FRAS1: variants seen among roughly 807,000 people sequenced by gnomAD.
FRAS1 encodes extracellular matrix organizing protein FRAS1.
In FRAS1, 290 loss-of-function variants were observed where a neutral mutation model predicts 435.2. The ratio of observed to expected loss-of-function variants is 0.67; its 90% CI spans 0.61 to 0.73. The LOEUF (loss-of-function observed/expected upper bound fraction) is 0.73. FRAS1 is among the 30% of genes least tolerant of loss of function. The probability of loss-of-function intolerance (pLI) is 0.00; values close to 1 mark genes in which losing one functional copy is unlikely to be tolerated. For synonymous variants in FRAS1, 1,800 were observed against 1,851.0 expected (o/e 0.97, Z 0.71); for missense variants, 4,860 against 5,001.5 (o/e 0.97, Z 0.85).
At position 78,400,841 on chromosome 4, in the gene FRAS1, T is replaced by C; in HGVS notation, c.4083T>C (p.Ser1361=). 6 of 1,613,790 alleles carry C rather than the reference T, an allele frequency of 3.7e-6. No individual in the cohort carries two copies. The highest frequency in any genetic ancestry group is 5.1e-6 in the Non-Finnish European group (6 of 1,179,796). The change falls in exon 30 of 74, where the codon AGT becomes AGC. Residue 1361 remains serine (S), a synonymous_variant. Transcript: ENST00000512123. ...RILQAEAPGA[S]AEEIIYKITQ... ...TACAGGCCGAGGCTCCTGGTGCCAGTGCTGAAGAAATCATCTACAAGATTA... is the reference window on the plus strand; with the variant it reads ...TACAGGCCGAGGCTCCTGGTGCCAGCGCTGAAGAAATCATCTACAAGATTA...
chr4:78,157,644 G>A (rs1172231011), intron 2 of FRAS1, among the ~76,000 whole-genome samples: 1 of 152,072 alleles, frequency 6.6e-6, no homozygotes, highest in South Asian at 2.1e-4. Flanking sequence ...CATGTCATTT[G>A]CCCACTTTTT....
At chr4:78,384,907 CAA>C (rs11315732) in intron 28 of FRAS1, among the ~76,000 whole-genome samples, 23,066 of 99,738 alleles carry the variant, frequency 0.23, 1,426 homozygotes, top group Admixed American at 0.27. Flanking sequence ...GACCCTGTCT[CAA>C]AAAAAAAAAA....
intron 61 of FRAS1, among the ~76,000 whole-genome samples, chr4:78,505,473 A>G (rs1720804653): frequency 6.6e-6 from 1 of 152,004 alleles, no homozygotes; most frequent in Non-Finnish European, 1.5e-5. Context: ...TTATTTCATT[A>G]ATTTGATCTT....
At chr4:78,521,660 C>G in intron 68 of FRAS1, 30 bp downstream of exon 68, 1 of 1,353,154 alleles carries the variant, frequency 7.4e-7, no homozygotes, top group African/African-American at 1.5e-5. Context: ...TTTTTTCCAA[C>G]TTTTTATTAA....
In FRAS1 at chr4:78,507,410, C is replaced by T. The variant is rs1169991391; in HGVS notation, c.9317-11C>T. 2 of 1,603,732 alleles carry T rather than the reference C, an allele frequency of 1.2e-6. No individual in the cohort carries two copies. The highest frequency in any genetic ancestry group is 1.7e-5 in the Admixed American group (1 of 57,932). ...AGCCTTTGCTCTCTTTTTGTTCTGT[C>T]CTTGGCGAAGGTGTGGATCATATCT... On this transcript the variant is annotated splice_polypyrimidine_tract_variant and intron_variant, in intron 61 of 73. Transcript: ENST00000512123.
In FRAS1 at chr4:78,304,474, G is replaced by A. The variant is rs777690272; in HGVS notation, c.1535-3592G>A. ...CCTCCTTGTACCTCTGGTAGCATTC[G>A]GCTGTGAATCCATCTGGTTCTGGAC... On this transcript the variant is annotated intron_variant, in intron 14 of 73. Transcript: ENST00000512123. Among the ~76,000 whole-genome samples, 22 of 152,264 alleles carry A rather than the reference G, an allele frequency of 1.4e-4. 2 individuals are homozygous for A. The highest frequency in any genetic ancestry group is 4.6e-4 in the African/African-American group (19 of 41,550).
At chr4:78,505,059 T>G (rs1261421094) in intron 61 of FRAS1, among the ~76,000 whole-genome samples, 3 of 152,242 alleles carry the variant, frequency 2.0e-5, no homozygotes, top group Non-Finnish European at 4.4e-5. Flanking sequence ...TGTCCCCCAC[T>G]CTCTTCTGGC....
chr4:78,232,517 C>T (rs1724559748), intron 2 of FRAS1, among the ~76,000 whole-genome samples: 1 of 152,056 alleles, frequency 6.6e-6, no homozygotes, highest in African/African-American at 2.4e-5. Flanking sequence ...AATCTCCTGA[C>T]CTCGTGATCT....
chr4:78,279,540 G>A (rs765164182), intron 10 of FRAS1, among the ~76,000 whole-genome samples: 2 of 152,162 alleles, frequency 1.3e-5, no homozygotes, highest in Non-Finnish European at 2.9e-5. Context: ...GGCACATTTG[G>A]TAAAAAGTGA....
intron 12 of FRAS1, 44 bp from the exon 13 acceptor site, chr4:78,284,361 G>C: frequency 6.5e-7 from 1 of 1,527,604 alleles, no homozygotes; most frequent in Non-Finnish European, 8.9e-7. Flanking sequence ...AGAAATAATA[G>C]ATGGAGTTCA....
chr4:78,287,094 C>G (rs1727644147), intron 14 of FRAS1, among the ~76,000 whole-genome samples: 1 of 151,994 alleles, frequency 6.6e-6, no homozygotes, highest in African/African-American at 2.4e-5. Context: ...AGGAAACTTA[C>G]AATCATGGCA....
chr4:78,482,464 G>T lies in FRAS1; in HGVS notation c.8681G>T (p.Ser2894Ile). 6.2e-7 allele frequency: 1 copy of T among 1,613,922 alleles called. No individual in the cohort carries two copies. Among genetic ancestry groups the T allele is most frequent in the Non-Finnish European group, 8.5e-7 (1 of 1,179,834 alleles). Residue 2894 changes from serine (S) to isoleucine (I), a missense_variant, in exon 58 of 74, where the codon AGC becomes ATC. Transcript: ENST00000512123. The stretch of plus-strand genomic sequence containing the variant: ...CTGGAGACATTTGTGGTTTTCCTCA[G>T]CTCAGCACAAGGAGCCGAACTGACC... ...EGLETFVVFLSSAQGAELTKP... is the reference protein window; with the variant it reads ...EGLETFVVFLISAQGAELTKP...
chr4:78,340,484 G>T (rs1730352657), intron 20 of FRAS1, among the ~76,000 whole-genome samples: 2 of 152,186 alleles, frequency 1.3e-5, no homozygotes, highest in African/African-American at 4.8e-5. Context: ...GCATTGCAAT[G>T]CATTCACTCA....
At chr4:78,154,417 A>G (rs956149219) in intron 2 of FRAS1, among the ~76,000 whole-genome samples, 2 of 152,154 alleles carry the variant, frequency 1.3e-5, no homozygotes, top group African/African-American at 2.4e-5. Context: ...CCCATTTAAA[A>G]TATTTTTACC....
intron 2 of FRAS1, among the ~76,000 whole-genome samples, chr4:78,200,290 A>G (rs1722995035): frequency 6.6e-6 from 1 of 152,232 alleles, no homozygotes; most frequent in African/African-American, 2.4e-5. Context: ...TGATCACAGC[A>G]TGTGTTGAAC....
intron 2 of FRAS1, among the ~76,000 whole-genome samples, chr4:78,068,855 G>A (rs1190203644): frequency 6.6e-6 from 1 of 152,186 alleles, no homozygotes; most frequent in Non-Finnish European, 1.5e-5. Flanking sequence ...GGTAGATGAT[G>A]CATTGTGGAC....
intron 14 of FRAS1, among the ~76,000 whole-genome samples, chr4:78,306,993 G>T (rs1197615221): frequency 6.6e-6 from 1 of 152,142 alleles, no homozygotes; most frequent in African/African-American, 2.4e-5. Flanking sequence ...CATCTTCGTG[G>T]TTTTATCTAC....
intron 2 of FRAS1, among the ~76,000 whole-genome samples, chr4:78,153,101 T>A (rs948285130): frequency 1.3e-5 from 2 of 152,174 alleles, no homozygotes; most frequent in South Asian, 4.1e-4. Flanking sequence ...TCTTCCACAC[T>A]GATGCTGCAA....
intron 2 of FRAS1, among the ~76,000 whole-genome samples, chr4:78,102,483 A>G (rs1742182673): frequency 6.6e-6 from 1 of 152,172 alleles, no homozygotes; most frequent in African/African-American, 2.4e-5. Flanking sequence ...GATCATTATC[A>G]CACTGGGTAT....
Sources: allele counts gnomAD v4.1 joint callset (sites outside exome capture counted in the v4.1 genomes callset), GRCh38; gene constraint gnomAD v4.1.1; transcripts MANE v1.5; gene names NCBI Gene and HGNC (gene_info 2026-07-23, HGNC 2026-07-21).